LHFPL1: variants seen among roughly 807,000 people sequenced by gnomAD.
LHFPL1 encodes the protein LHFPL tetraspan subfamily member 1, also known as LHFPL tetraspan subfamily member 1 protein.
A neutral mutation model predicts 12.1 loss-of-function variants in LHFPL1; 4 were observed. The observed-to-expected ratio is 0.33, with a 90% CI of 0.16 to 0.76. The LOEUF is 0.76. Among genes scored for constraint, LHFPL1 ranks in the 30% least tolerant of loss-of-function variants. LHFPL1 has a pLI of 0.61. For synonymous variants in LHFPL1, 52 were observed against 61.9 expected (o/e 0.84, Z 0.75); for missense variants, 141 against 174.1 (o/e 0.81, Z 1.07).
intron 1 of LHFPL1, among the ~76,000 whole-genome samples, chrX:112,677,787 G>A (rs1931693611): frequency 9.0e-6 from 1 of 111,166 alleles, no homozygotes; most frequent in Non-Finnish European, 1.9e-5. Context: ...GTTCTCCTGT[G>A]CCTGAAATCA....
chrX:112,638,868 T>C (rs1930419923), intron 3 of LHFPL1, among the ~76,000 whole-genome samples: 3 of 111,165 alleles, frequency 2.7e-5, no homozygotes, highest in Non-Finnish European at 5.7e-5. Context: ...TTGGTACACA[T>C]GGTAGGGTAA....
chrX:112,631,720 A>G, intron 3 of LHFPL1, 119 bp from the exon 4 acceptor site: 1 of 483,833 alleles, frequency 2.1e-6, no homozygotes, highest in Non-Finnish European at 3.3e-6. Flanking sequence ...TTGGGATGCT[A>G]TGGTTAGGGT....
intron 3 of LHFPL1, among the ~76,000 whole-genome samples, chrX:112,658,437 AAAAAAAG>A (rs1181942021): frequency 1.1e-3 from 113 of 106,908 alleles, no homozygotes; most frequent in African/African-American, 3.7e-3. Context: ...AAAACAAAAA[AAAAAAAG>A]AAAAAAGAAA....
intron 3 of LHFPL1, among the ~76,000 whole-genome samples, chrX:112,656,362 TC>T (rs776821992): frequency 5.8e-5 from 6 of 104,031 alleles, no homozygotes; most frequent in African/African-American, 2.3e-4. Context: ...GGGAACTTCT[TC>T]AACCTAATAA....
At chrX:112,643,082 A>T (rs1694101814) in intron 3 of LHFPL1, among the ~76,000 whole-genome samples, 1 of 57,651 alleles carries the variant, frequency 1.7e-5, no homozygotes, top group Admixed American at 1.8e-4. Flanking sequence ...GGGTAATTTA[A>T]AAAAAAAAAA....
intron 1 of LHFPL1, among the ~76,000 whole-genome samples, chrX:112,671,908 C>A (rs1230843641): frequency 9.0e-6 from 1 of 111,489 alleles, no homozygotes; most frequent in Non-Finnish European, 1.9e-5. Context: ...CTTATCAAGA[C>A]CCGCCCCTAC....
At chrX:112,635,495 T>C (rs777057643) in intron 3 of LHFPL1, among the ~76,000 whole-genome samples, 6 of 112,756 alleles carry the variant, frequency 5.3e-5, no homozygotes, top group Admixed American at 1.9e-4. Flanking sequence ...GAATATACAA[T>C]GCCTTCGGCC....
At chrX:112,672,649 G>A (rs1224415508) in intron 1 of LHFPL1, among the ~76,000 whole-genome samples, 1 of 111,198 alleles carries the variant, frequency 9.0e-6, no homozygotes, top group African/African-American at 3.3e-5. Flanking sequence ...GGAAGCGCAG[G>A]AACTGGCTGT....
intron 3 of LHFPL1, among the ~76,000 whole-genome samples, chrX:112,644,826 G>T: frequency 8.9e-6 from 1 of 112,198 alleles, no homozygotes. Context: ...GTGAGCACAA[G>T]AAAACAAACT....
intron 3 of LHFPL1, among the ~76,000 whole-genome samples, chrX:112,654,729 T>C (rs1210024283): frequency 9.0e-6 from 1 of 111,384 alleles, no homozygotes; most frequent in African/African-American, 3.3e-5. Context: ...TTTTATTTTG[T>C]CACATACATG....
intron 3 of LHFPL1, among the ~76,000 whole-genome samples, chrX:112,633,378 A>G (rs1247942082): frequency 8.9e-6 from 1 of 112,544 alleles, no homozygotes; most frequent in Admixed American, 9.4e-5. Context: ...GATCCCTTGT[A>G]CTTTAAGGCT....
intron 2 of LHFPL1, among the ~76,000 whole-genome samples, chrX:112,665,053 A>T (rs1931290092): frequency 8.9e-6 from 1 of 111,988 alleles, no homozygotes; most frequent in African/African-American, 3.2e-5. Context: ...GGTGGCAGAG[A>T]AAACTTGTTT....
In LHFPL1 at chrX:112,660,031, G is replaced by A. The variant is rs186779819; in HGVS notation, c.481+596C>T. 4.5e-5 allele frequency among the ~76,000 whole-genome samples: 5 copies of A among 111,885 alleles called. No individual in the cohort carries two copies. In the East Asian group the frequency reaches 1.4e-3, roughly 31 times the overall value. Reference sequence around the variant, plus strand: ...TACTCTCTTTCATCATGATAGGTGGGGGAATATTTCTGAAGTCTTCCAATT... The same window carrying A: ...TACTCTCTTTCATCATGATAGGTGGAGGAATATTTCTGAAGTCTTCCAATT... On this transcript the variant is annotated intron_variant, in intron 3 of 3. Coordinates refer to ENST00000371968, the MANE Select transcript of LHFPL1 (RefSeq NM_178175.4).
intron 3 of LHFPL1, among the ~76,000 whole-genome samples, chrX:112,645,041 G>T (rs982188525): frequency 8.9e-6 from 1 of 112,139 alleles, no homozygotes; most frequent in Non-Finnish European, 1.9e-5. Context: ...TCTACTGCAG[G>T]CCTTTGCCAA....
intron 3 of LHFPL1, among the ~76,000 whole-genome samples, chrX:112,642,561 C>G (rs891223414): frequency 5.6e-5 from 6 of 106,909 alleles, no homozygotes; most frequent in Non-Finnish European, 9.6e-5. Flanking sequence ...GCATAGACAA[C>G]TGGCTCACAA....
intron 3 of LHFPL1, among the ~76,000 whole-genome samples, chrX:112,652,024 C>T (rs753443602): frequency 1.2e-4 from 14 of 112,991 alleles, no homozygotes; most frequent in African/African-American, 1.9e-4. Context: ...TGCTTTCGCA[C>T]ATTAGAGCCT....
At chrX:112,660,394 G>A (rs777351660) in intron 3 of LHFPL1, among the ~76,000 whole-genome samples, 1 of 112,093 alleles carries the variant, frequency 8.9e-6, no homozygotes, top group Non-Finnish European at 1.9e-5. Flanking sequence ...AGATAGGGTT[G>A]CCCTAAACTG....
chrX:112,660,124 A>C, intron 3 of LHFPL1, among the ~76,000 whole-genome samples: 1 of 112,527 alleles, frequency 8.9e-6, no homozygotes, highest in Middle Eastern at 4.6e-3. Flanking sequence ...TGGCAACCAG[A>C]GAATGGTTCA....
intron 3 of LHFPL1, among the ~76,000 whole-genome samples, chrX:112,657,854 C>A (rs1226936177): frequency 9.7e-6 from 1 of 103,460 alleles, no homozygotes; most frequent in Non-Finnish European, 1.9e-5. Flanking sequence ...AGGGGTAAAT[C>A]TTTTTGATGT....
Sources: allele counts gnomAD v4.1 joint callset (sites outside exome capture counted in the v4.1 genomes callset), GRCh38; gene constraint gnomAD v4.1.1; transcripts MANE v1.5; gene names NCBI Gene and HGNC (gene_info 2026-07-23, HGNC 2026-07-21).